Variants in COG4 observed in about 807,000 individuals in gnomAD.
The protein encoded by COG4 is component of oligomeric golgi complex 4, also known as conserved oligomeric Golgi complex subunit 4.
COG4 carries 65 observed loss-of-function variants against 95.1 expected under a neutral mutation model. The ratio of observed to expected loss-of-function variants is 0.68; its 90% CI spans 0.56 to 0.84. COG4 has a LOEUF of 0.84. COG4 is among the 40% of genes least tolerant of loss of function. COG4 has a pLI of 0.00. For missense variants in COG4, 1,045 were observed against 989.1 expected, an observed-to-expected ratio of 1.06 and a Z score of -0.76; for synonymous variants, 421 against 374.8, an observed-to-expected ratio of 1.12 and a Z score of -1.42.
rs935132762 is a variant in COG4 at position 70,512,851 on chromosome 16, G to A, written c.545-419C>T. On this transcript the variant is annotated intron_variant, in intron 4 of 18. Transcript: ENST00000323786. ...AAATTAGCTGGGCATGGTGGCATGCGCCTGTAGTCCCAGTTACTCAGGAGG... is the reference window on the plus strand; with the variant it reads ...AAATTAGCTGGGCATGGTGGCATGCACCTGTAGTCCCAGTTACTCAGGAGG... Among the ~76,000 whole-genome samples, 118 of 152,278 alleles carry A rather than the reference G, an allele frequency of 7.7e-4. 2 individuals carry two copies. The highest frequency in any genetic ancestry group is 2.7e-3 in the African/African-American group (112 of 41,566).
intron 4 of COG4, among the ~76,000 whole-genome samples, 171 bp downstream of exon 4, chr16:70,514,164 G>A (rs893961412): frequency 6.6e-6 from 1 of 151,708 alleles, no homozygotes; most frequent in African/African-American, 2.4e-5. Context: ...AAGCCAAGAT[G>A]GCACCACTGC....
intron 12 of COG4, among the ~76,000 whole-genome samples, chr16:70,493,368 T>C (rs1055160970): frequency 2.0e-5 from 3 of 152,048 alleles, no homozygotes; most frequent in East Asian, 1.9e-4. Context: ...TGTGTGGCTA[T>C]TGAGCACCTG....
At chr16:70,481,581 G>T in intron 17 of COG4, 94 bp from the exon 18 acceptor site, 1 of 1,571,712 alleles carries the variant, frequency 6.4e-7, no homozygotes, top group Non-Finnish European at 8.7e-7. Context: ...GGCCCGCCAG[G>T]CCTCAGGTGG....
intron 9 of COG4, among the ~76,000 whole-genome samples, chr16:70,498,390 G>A (rs762145973): frequency 2.0e-5 from 3 of 151,452 alleles, no homozygotes; most frequent in Non-Finnish European, 2.9e-5. Context: ...GTGCAATGGC[G>A]TGATCTTGGC....
intron 18 of COG4, 96 bp from the exon 19 acceptor site, chr16:70,481,240 G>A: frequency 1.9e-6 from 3 of 1,607,528 alleles, no homozygotes; most frequent in Non-Finnish European, 2.6e-6. Flanking sequence ...CACCCGGGAA[G>A]GGGAAGGTGT....
intron 8 of COG4, among the ~76,000 whole-genome samples, chr16:70,502,101 G>T (rs952675532): frequency 6.6e-6 from 1 of 150,398 alleles, no homozygotes; most frequent in Non-Finnish European, 1.5e-5. Flanking sequence ...GGCCAACATG[G>T]TGAAACCCCA....
intron 5 of COG4, among the ~76,000 whole-genome samples, chr16:70,510,405 C>T (rs565503539): frequency 1.0e-3 from 156 of 152,274 alleles, no homozygotes; most frequent in Non-Finnish European, 1.4e-3. Context: ...TCACTGTGGC[C>T]TTGAACTCCT....
chr16:70,481,607 T>C, intron 17 of COG4, 120 bp from the exon 18 acceptor site: 9 of 1,498,400 alleles, frequency 6.0e-6, no homozygotes, highest in South Asian at 4.6e-5. Context: ...TGTGGTTTGT[T>C]TGCTCTACGG....
chr16:70,507,220 G>C (rs2049596960), intron 8 of COG4, among the ~76,000 whole-genome samples: 1 of 151,684 alleles, frequency 6.6e-6, no homozygotes, highest in Non-Finnish European at 1.5e-5. Flanking sequence ...TCTGGCCTGG[G>C]CAACAAAATA....
intron 11 of COG4, among the ~76,000 whole-genome samples, chr16:70,496,988 G>C (rs1308936982): frequency 6.6e-6 from 1 of 152,124 alleles, no homozygotes. Flanking sequence ...TCTTTCCTAC[G>C]TCTAAGGGCC....
chr16:70,491,796 C>G (rs1327489977), intron 12 of COG4, among the ~76,000 whole-genome samples: 1 of 147,514 alleles, frequency 6.8e-6, no homozygotes, highest in East Asian at 2.0e-4. Flanking sequence ...TGCACTCTAG[C>G]CTCGGTGACA....
At chr16:70,494,768 A>C (rs1025612293) in intron 12 of COG4, among the ~76,000 whole-genome samples, 31 of 152,256 alleles carry the variant, frequency 2.0e-4, no homozygotes, top group Middle Eastern at 3.4e-3. Context: ...ACAAAATAAA[A>C]ATTTAAGTTG....
intron 3 of COG4, among the ~76,000 whole-genome samples, 187 bp downstream of exon 3, chr16:70,517,439 C>T (rs1322407620): frequency 6.6e-6 from 1 of 151,580 alleles, no homozygotes; most frequent in South Asian, 2.1e-4. Context: ...AATACAAAAA[C>T]TAGCTGGGCA....
Position 70,514,514 on chromosome 16 carries a change from A to C in COG4, c.370-5T>G, listed in dbSNP as rs769396687. 1.2e-6 allele frequency: 2 copies of C among 1,613,676 alleles called. No homozygotes were observed. Among genetic ancestry groups the C allele is most frequent in the East Asian group, 4.5e-5 (2 of 44,880 alleles). On this transcript the variant is annotated splice_region_variant and splice_polypyrimidine_tract_variant and intron_variant, in intron 3 of 18. Coordinates refer to ENST00000323786, the MANE Select transcript of COG4 (RefSeq NM_015386.3). ...AATGGCCTGATAGAGGCGGTTCTGCAAAAAGATTTGGTACTTACAAACAAT... is the reference window on the plus strand; with the variant it reads ...AATGGCCTGATAGAGGCGGTTCTGCCAAAAGATTTGGTACTTACAAACAAT...
intron 12 of COG4, among the ~76,000 whole-genome samples, chr16:70,494,774 A>G (rs993160182): frequency 3.3e-5 from 5 of 152,218 alleles, no homozygotes; most frequent in African/African-American, 1.2e-4. Flanking sequence ...TAAAAATTTA[A>G]GTTGGTTCAT....
chr16:70,514,254 T>G, intron 4 of COG4, 81 bp downstream of exon 4: 1 of 1,276,778 alleles, frequency 7.8e-7, no homozygotes. Flanking sequence ...AAAACTGATG[T>G]GTTTTTATTG....
Position 70,523,462 on chromosome 16 carries a change from G to A in COG4, c.82C>T (p.Arg28Cys). The stretch of plus-strand genomic sequence containing the variant: ...AGCTCAGCGGAGATTTCGGAGCAGC[G>A]GCCACCTCCCACCCCCTCAGACGGC... Reference protein sequence around the residue: ...QQPSEGVGGGRCSEISAELIR... With the variant: ...QQPSEGVGGGCCSEISAELIR... The change falls in exon 1 of 19, where the codon CGC becomes TGC. Residue 28 changes from arginine to cysteine, a missense_variant. Physicochemically the swap from Arg to Cys is radical, Grantham distance 180 (BLOSUM62 -3). Coordinates refer to ENST00000323786, the MANE Select transcript of COG4 (RefSeq NM_015386.3). 6.2e-7 allele frequency: 1 copy of A among 1,614,028 alleles called. No homozygotes were observed. Among genetic ancestry groups the A allele is most frequent in the Non-Finnish European group, 8.5e-7 (1 of 1,180,004 alleles).
At chr16:70,521,751 G>GA (rs1013734947) in intron 1 of COG4, among the ~76,000 whole-genome samples, 1 of 149,600 alleles carries the variant, frequency 6.7e-6, no homozygotes, top group Non-Finnish European at 1.5e-5. Flanking sequence ...GCCGAGGCTG[G>GA]AGTGCAGTGG....
At chr16:70,514,866 C>T (rs950564130) in intron 3 of COG4, among the ~76,000 whole-genome samples, 2 of 151,664 alleles carry the variant, frequency 1.3e-5, no homozygotes, top group Non-Finnish European at 1.5e-5. Context: ...GCATGTGCCA[C>T]CATGCCTGGC....
Sources: gnomAD v4.1 joint callset for allele counts (sites outside exome capture counted in the v4.1 genomes callset) on GRCh38, gnomAD v4.1.1 for gene constraint, MANE v1.5 for transcripts, NCBI Gene and HGNC (gene_info 2026-07-23, HGNC 2026-07-21) for gene names.